CDH13: variants seen among roughly 807,000 people sequenced by gnomAD.
The protein encoded by CDH13 is cadherin-13.
In CDH13, 24 loss-of-function variants were observed where a neutral mutation model predicts 63.8. The observed-to-expected ratio is 0.38, with a 90% CI of 0.27 to 0.53. The LOEUF is 0.53. Ranked by LOEUF, CDH13 falls within the 20% of genes least tolerant of loss-of-function variation. The pLI is 0.85. For missense variants in CDH13, 1,049 were observed against 903.1 expected, an observed-to-expected ratio of 1.16 and a Z score of -2.07; for synonymous variants, 503 against 355.3, an observed-to-expected ratio of 1.42 and a Z score of -4.67.
chr16:83,146,820 G>A (rs933393450), intron 4 of CDH13, among the ~76,000 whole-genome samples: 2 of 152,210 alleles, frequency 1.3e-5, no homozygotes, highest in Non-Finnish European at 2.9e-5. Flanking sequence ...AAGCATGGTG[G>A]CTCACGCCTG....
intron 2 of CDH13, among the ~76,000 whole-genome samples, chr16:82,906,077 TCTAC>T (rs1398549109): frequency 3.3e-5 from 5 of 152,238 alleles, no homozygotes; most frequent in Non-Finnish European, 7.3e-5. Flanking sequence ...CATCGATCTA[TCTAC>T]CTACCTACCT....
chr16:82,969,787 C>T (rs1908429823), intron 2 of CDH13, among the ~76,000 whole-genome samples: 1 of 152,056 alleles, frequency 6.6e-6, no homozygotes, highest in South Asian at 2.1e-4. Flanking sequence ...TCTTCAAGAG[C>T]CTTCCAGGTG....
rs745840757 is a variant in CDH13, at chr16:83,032,179, C to T, written c.327C>T (p.Leu109=). Residue 109 remains leucine, a synonymous_variant, in exon 3 of 14, where the codon CTC becomes CTT. Coordinates refer to ENST00000567109, the MANE Select transcript of CDH13 (RefSeq NM_001257.5). ...CCCATGCGGAAGATATGGCAGAACT[C>T]GTGATTGTCGGGGGGAAAGACATCC... ...RTPHAEDMAE[L]VIVGGKDIQG... The T allele has an allele frequency of 1.5e-5, 25 of 1,613,500 alleles. No individual in the cohort carries two copies. The African/African-American group carries it at 2.4e-4, about 16-fold the overall frequency.
intron 8 of CDH13, among the ~76,000 whole-genome samples, chr16:83,651,521 A>T (rs1187817500): frequency 6.6e-6 from 1 of 151,646 alleles, no homozygotes; most frequent in African/African-American, 2.4e-5. Context: ...AGTCACAAAG[A>T]TAACAAGATG....
intron 10 of CDH13, among the ~76,000 whole-genome samples, chr16:83,687,520 C>T (rs574694358): frequency 1.3e-3 from 193 of 152,286 alleles, no homozygotes; most frequent in Non-Finnish European, 1.9e-3. Context: ...GGAGGGATTG[C>T]GTTAACTCCC....
At chr16:82,678,664 A>C (rs1914209000) in intron 1 of CDH13, among the ~76,000 whole-genome samples, 1 of 152,168 alleles carries the variant, frequency 6.6e-6, no homozygotes, top group Non-Finnish European at 1.5e-5. Flanking sequence ...GTATATACCT[A>C]CTTCTGTGCA....
At chr16:82,913,414 C>G (rs2041894292) in intron 2 of CDH13, among the ~76,000 whole-genome samples, 1 of 152,052 alleles carries the variant, frequency 6.6e-6, no homozygotes, top group Admixed American at 6.5e-5. Context: ...CTTTTCTTTC[C>G]CAGATCTAGG....
intron 1 of CDH13, among the ~76,000 whole-genome samples, chr16:82,701,462 C>G (rs974182472): frequency 2.6e-5 from 4 of 152,190 alleles, no homozygotes; most frequent in African/African-American, 4.8e-5. Flanking sequence ...GAAACCTACT[C>G]CAGACTAGCT....
chr16:82,871,101 A>G (rs1255186802), intron 2 of CDH13, among the ~76,000 whole-genome samples: 6 of 152,232 alleles, frequency 3.9e-5, no homozygotes, highest in African/African-American at 1.4e-4. Flanking sequence ...TCATATCAGT[A>G]ACACTATTGA....
chr16:83,012,965 C>T (rs1597406166), intron 2 of CDH13, among the ~76,000 whole-genome samples: 1 of 152,178 alleles, frequency 6.6e-6, no homozygotes. Flanking sequence ...TTTCCCCACT[C>T]TGCTGATTGT....
chr16:83,709,595 A>G (rs1907696330), intron 10 of CDH13, among the ~76,000 whole-genome samples: 1 of 152,276 alleles, frequency 6.6e-6, no homozygotes, highest in Non-Finnish European at 1.5e-5. Flanking sequence ...ATTTAATTGC[A>G]TAGAAAGCCA....
intron 4 of CDH13, among the ~76,000 whole-genome samples, chr16:83,152,259 C>G (rs1436197811): frequency 6.6e-5 from 10 of 152,132 alleles, no homozygotes; most frequent in Non-Finnish European, 1.5e-5. Context: ...TGAAAACCAC[C>G]TAAATGATCC....
intron 2 of CDH13, among the ~76,000 whole-genome samples, chr16:82,967,394 T>C (rs761795567): frequency 2.6e-5 from 4 of 152,158 alleles, no homozygotes; most frequent in Non-Finnish European, 5.9e-5. Context: ...CCCATTAGGG[T>C]GTATGCTCCC....
intron 6 of CDH13, among the ~76,000 whole-genome samples, chr16:83,456,631 A>T (rs970818234): frequency 6.6e-6 from 1 of 152,130 alleles, no homozygotes; most frequent in Non-Finnish European, 1.5e-5. Context: ...GGGGCAGGCT[A>T]TGTTTAGGAA....
chr16:83,143,969 G>A (rs139370075), intron 4 of CDH13, among the ~76,000 whole-genome samples: 1 of 152,104 alleles, frequency 6.6e-6, no homozygotes, highest in Non-Finnish European at 1.5e-5. Context: ...GGTGGTTGCT[G>A]CTCTGCTGGT....
intron 4 of CDH13, among the ~76,000 whole-genome samples, chr16:83,175,818 C>G (rs1485601119): frequency 2.2e-5 from 3 of 134,818 alleles, no homozygotes; most frequent in Admixed American, 7.4e-5. Flanking sequence ...TTTTTTCAAC[C>G]TGCTTTTTTT....
chr16:83,682,384 A>G (rs1447769953), intron 10 of CDH13, among the ~76,000 whole-genome samples: 5 of 152,138 alleles, frequency 3.3e-5, no homozygotes, highest in Non-Finnish European at 5.9e-5. Flanking sequence ...AAGGTCGTTC[A>G]TAAGTCGCAT....
intron 5 of CDH13, among the ~76,000 whole-genome samples, chr16:83,320,894 G>A (rs9927488): frequency 0.3 from 46,367 of 152,090 alleles, 7,236 homozygotes; most frequent in East Asian, 0.46. Flanking sequence ...AGGAACTGCT[G>A]TGGAATAAAC....
At chr16:83,162,779 G>A (rs2037502373) in intron 4 of CDH13, among the ~76,000 whole-genome samples, 2 of 152,048 alleles carry the variant, frequency 1.3e-5, no homozygotes, top group Admixed American at 6.6e-5. Flanking sequence ...TGTATTTGTG[G>A]CAAACTCCCC....
Sources: gnomAD v4.1 joint callset for allele counts (sites outside exome capture counted in the v4.1 genomes callset) on GRCh38, gnomAD v4.1.1 for gene constraint, MANE v1.5 for transcripts, NCBI Gene and HGNC (gene_info 2026-07-23, HGNC 2026-07-21) for gene names.